Variants in DOCK1 observed in about 807,000 individuals in gnomAD.
DOCK1 encodes the protein dedicator of cytokinesis 1.
In DOCK1, 138 loss-of-function variants were observed where a neutral mutation model predicts 262.7. The observed-to-expected ratio is 0.53, with a 90% CI of 0.46 to 0.61. The LOEUF is 0.61. Ranked by LOEUF, DOCK1 falls within the 20% of genes least tolerant of loss-of-function variation. The pLI, the probability that DOCK1 is intolerant of heterozygous loss-of-function variation, is 0.00. For synonymous variants in DOCK1, 866 were observed against 867.4 expected (o/e 1.00, Z 0.03); for missense variants, 1,908 against 2,370.7 (o/e 0.80, Z 4.05).
intron 29 of DOCK1, among the ~76,000 whole-genome samples, chr10:127,308,743 T>C (rs1263635315): frequency 6.6e-6 from 1 of 152,210 alleles, no homozygotes; most frequent in African/African-American, 2.4e-5. Flanking sequence ...GCTTCATCCA[T>C]GTCCCTGCAA....
intron 42 of DOCK1, among the ~76,000 whole-genome samples, chr10:127,410,406 C>T (rs1007343675): frequency 1.3e-5 from 2 of 152,200 alleles, no homozygotes; most frequent in Non-Finnish European, 2.9e-5. Context: ...CCTCGTACCC[C>T]GACCGCGGAG....
intron 29 of DOCK1, among the ~76,000 whole-genome samples, chr10:127,296,356 C>T (rs1424213795): frequency 6.6e-6 from 1 of 152,196 alleles, no homozygotes; most frequent in Admixed American, 6.5e-5. Flanking sequence ...TGCCCATCTC[C>T]CAGAAAGTCC....
intron 19 of DOCK1, among the ~76,000 whole-genome samples, chr10:127,038,436 C>G (rs969393584): frequency 1.3e-5 from 2 of 152,140 alleles, no homozygotes; most frequent in Admixed American, 6.5e-5. Flanking sequence ...GCCTCTCTTT[C>G]CCCTGCCATG....
chr10:127,407,841 A>G (rs545736118), intron 40 of DOCK1, among the ~76,000 whole-genome samples: 3 of 151,518 alleles, frequency 2.0e-5, no homozygotes, highest in East Asian at 3.9e-4. Flanking sequence ...TACCCCCCCA[A>G]CCCCAGACTT....
chr10:126,953,514 G>T (rs1319920892), intron 1 of DOCK1, among the ~76,000 whole-genome samples: 1 of 151,816 alleles, frequency 6.6e-6, no homozygotes, highest in Non-Finnish European at 1.5e-5. Flanking sequence ...GGTAATGTTG[G>T]TGGTGGTAGT....
intron 21 of DOCK1, among the ~76,000 whole-genome samples, chr10:127,050,621 C>G (rs1430423292): frequency 2.0e-5 from 3 of 151,522 alleles, no homozygotes; most frequent in African/African-American, 7.3e-5. Context: ...AGGAGAATCG[C>G]TGGAACCTGG....
chr10:127,267,450 C>A (rs569322260), intron 29 of DOCK1, among the ~76,000 whole-genome samples: 7 of 152,164 alleles, frequency 4.6e-5, no homozygotes, highest in Non-Finnish European at 1.0e-4. Context: ...TAAACTGTGT[C>A]GTCTTATTCA....
At chr10:127,389,906 T>C (rs1331331402) in intron 38 of DOCK1, among the ~76,000 whole-genome samples, 49 of 151,276 alleles carry the variant, frequency 3.2e-4, no homozygotes, top group Admixed American at 3.2e-3. Context: ...CCCAGCTACT[T>C]GGGAGGCTGA....
intron 29 of DOCK1, among the ~76,000 whole-genome samples, chr10:127,331,048 C>T (rs1441340758): frequency 6.6e-6 from 1 of 151,792 alleles, no homozygotes; most frequent in Non-Finnish European, 1.5e-5. Flanking sequence ...CAAGCTGTCA[C>T]GTGGAAACTG....
intron 33 of DOCK1, among the ~76,000 whole-genome samples, chr10:127,367,665 T>G (rs1405434644): frequency 6.6e-6 from 1 of 152,128 alleles, no homozygotes; most frequent in Non-Finnish European, 1.5e-5. Flanking sequence ...TGAATTCTTT[T>G]TAGAAGTCCC....
At chr10:127,330,184 G>A (rs949466480) in intron 29 of DOCK1, among the ~76,000 whole-genome samples, 2 of 152,286 alleles carry the variant, frequency 1.3e-5, no homozygotes, top group South Asian at 4.1e-4. Flanking sequence ...CCAAAAGAAA[G>A]TAGATGAAGA....
At chr10:127,039,580 G>T (rs1194252813) in intron 19 of DOCK1, among the ~76,000 whole-genome samples, 1 of 152,076 alleles carries the variant, frequency 6.6e-6, no homozygotes, top group Non-Finnish European at 1.5e-5. Flanking sequence ...TACCTACCTT[G>T]CCTAACTTTG....
chr10:127,422,390 T>G (rs1018762946), intron 46 of DOCK1, among the ~76,000 whole-genome samples: 1 of 151,842 alleles, frequency 6.6e-6, no homozygotes, highest in African/African-American at 2.4e-5. Flanking sequence ...TGGTCTCGAT[T>G]TCTTGACCTC....
chr10:127,077,324 G>C (rs2046626232), intron 23 of DOCK1, among the ~76,000 whole-genome samples: 1 of 152,108 alleles, frequency 6.6e-6, no homozygotes, highest in Non-Finnish European at 1.5e-5. Context: ...GAACCCAGGA[G>C]GCAGAGGTTG....
At chr10:126,999,801 G>C (rs903410512) in intron 9 of DOCK1, among the ~76,000 whole-genome samples, 2 of 152,016 alleles carry the variant, frequency 1.3e-5, no homozygotes, top group Admixed American at 1.3e-4. Context: ...CTCAGCTCCC[G>C]AGTAGCTGGG....
intron 33 of DOCK1, among the ~76,000 whole-genome samples, chr10:127,373,178 A>G (rs1172956939): frequency 1.3e-5 from 2 of 152,164 alleles, no homozygotes; most frequent in African/African-American, 4.8e-5. Context: ...TTCCCAGGAA[A>G]TTTAATCAGA....
Position 127,058,355 on chromosome 10 carries a change from C to A in DOCK1, c.2337-3313C>A, listed in dbSNP as rs572621838. ...CTCTTAATCTTTTGGCTAGTATTTG[C>A]ATGGAATACCTATTTCCATCCTTTT... On this transcript the variant is annotated intron_variant, in intron 22 of 51. Coordinates refer to ENST00000623213, the MANE Select transcript of DOCK1 (RefSeq NM_001290223.2). Among the ~76,000 whole-genome samples, 269 of 150,004 alleles carry A rather than the reference C, an allele frequency of 1.8e-3. 1 individual carries two copies. The highest frequency in any genetic ancestry group is 3.0e-3 in the Admixed American group (45 of 14,950).
At chr10:127,202,050 C>T (rs951337260) in intron 27 of DOCK1, among the ~76,000 whole-genome samples, 1 of 152,106 alleles carries the variant, frequency 6.6e-6, no homozygotes, top group Non-Finnish European at 1.5e-5. Flanking sequence ...GAGCCAGGCA[C>T]GGTGGCTTAT....
chr10:127,133,781 A>T (rs2133174247), intron 27 of DOCK1, among the ~76,000 whole-genome samples: 1 of 152,342 alleles, frequency 6.6e-6, no homozygotes, highest in East Asian at 1.9e-4. Context: ...AATGTATAGG[A>T]TCCACTGTAG....
Sources: allele counts gnomAD v4.1 joint callset (sites outside exome capture counted in the v4.1 genomes callset), GRCh38; gene constraint gnomAD v4.1.1; transcripts MANE v1.5; gene names NCBI Gene and HGNC (gene_info 2026-07-23, HGNC 2026-07-21).